The following CDH20 variants were observed in gnomAD, a reference collection of about 807,000 sequenced individuals.
The protein encoded by CDH20 is cadherin-20.
Under a neutral mutation model 74.2 loss-of-function variants are expected in CDH20, and 29 were observed. The ratio of observed to expected loss-of-function variants is 0.39; its 90% confidence interval spans 0.29 to 0.53. The LOEUF is 0.53. Among genes scored for constraint, CDH20 ranks in the 20% least tolerant of loss-of-function variants. The probability of loss-of-function intolerance (pLI) is 0.69; values close to 1 mark genes in which losing one functional copy is unlikely to be tolerated. For missense variants in CDH20, 988 were observed against 1,048.3 expected (o/e 0.94, Z 0.79); for synonymous variants, 469 against 405.4 (o/e 1.16, Z -1.88).
chr18:61,425,074 T>A (rs373781083), intron 1 of CDH20, among the ~76,000 whole-genome samples: 19 of 109,876 alleles, frequency 1.7e-4, no homozygotes, highest in East Asian at 1.4e-3. Flanking sequence ...TCTCTCTCTC[T>A]CTCACTCACT....
intron 1 of CDH20, among the ~76,000 whole-genome samples, chr18:61,472,573 T>A (rs576399854): frequency 6.6e-6 from 1 of 152,324 alleles, no homozygotes; most frequent in Non-Finnish European, 1.5e-5. Context: ...GTTATAAAAC[T>A]TTTCATCTTG....
chr18:61,494,667 G>A (rs1911070273), intron 2 of CDH20, among the ~76,000 whole-genome samples: 1 of 152,156 alleles, frequency 6.6e-6, no homozygotes, highest in Admixed American at 6.5e-5. Context: ...TCAGAAAGGA[G>A]TATGGCAGCA....
chr18:61,384,432 G>A (rs189003953), intron 1 of CDH20, among the ~76,000 whole-genome samples: 12 of 152,232 alleles, frequency 7.9e-5, no homozygotes, highest in Middle Eastern at 3.4e-3. Flanking sequence ...GCCCTATGCC[G>A]AGAAAACTTA....
intron 1 of CDH20, among the ~76,000 whole-genome samples, chr18:61,471,754 C>A (rs536176808): frequency 8.1e-4 from 123 of 152,266 alleles, no homozygotes; most frequent in African/African-American, 2.8e-3. Context: ...TAGCCTCAGG[C>A]AAACTCAACA....
intron 1 of CDH20, among the ~76,000 whole-genome samples, chr18:61,366,688 T>G (rs1910873207): frequency 6.6e-6 from 1 of 152,190 alleles, no homozygotes; most frequent in Non-Finnish European, 1.5e-5. Flanking sequence ...TCTAGAAAAA[T>G]TTGAATGCTA....
rs754668719 is a variant in CDH20, at chr18:61,554,449, C to G, written c.2160C>G (p.Ser720Arg). Residue 720 changes from serine to arginine, a missense_variant, in exon 12 of 12, where the codon AGC (serine) becomes AGG (arginine). By Grantham distance (110) the Ser-to-Arg change is moderately radical (BLOSUM62 -1). This residue lies in a region of CDH20 where 375 missense variants were observed against 293.1 expected (regional missense o/e 1.28). Transcript: ENST00000262717. ...TGCCTCAGACGTGCGCAGTGAACAG[C>G]ACTGTCCACAGCTACGTGCTGGCCA... ...RYVPQTCAVN[S>R]TVHSYVLAKL... 1.9e-6 allele frequency: 3 copies of G among 1,613,368 alleles called. No homozygotes were observed. In the South Asian group the frequency reaches 3.3e-5, roughly 18 times the overall value.
chr18:61,524,061 A>G (rs1197066851), intron 6 of CDH20, among the ~76,000 whole-genome samples: 2 of 152,050 alleles, frequency 1.3e-5, no homozygotes, highest in Non-Finnish European at 2.9e-5. Context: ...AAAGTATAAT[A>G]ATAATAATAA....
intron 1 of CDH20, among the ~76,000 whole-genome samples, chr18:61,349,831 G>C (rs555848060): frequency 4.9e-4 from 75 of 151,844 alleles, no homozygotes; most frequent in African/African-American, 1.7e-3. Flanking sequence ...CACGCTGCAG[G>C]TTGTCACATG....
chr18:61,451,223 A>C (rs1057384952), intron 1 of CDH20, among the ~76,000 whole-genome samples: 11 of 152,006 alleles, frequency 7.2e-5, no homozygotes, highest in Admixed American at 7.2e-4. Context: ...GTTGGAGTAA[A>C]AGCACAACAG....
chr18:61,476,052 G>A (rs1910369708), intron 1 of CDH20, among the ~76,000 whole-genome samples: 1 of 152,146 alleles, frequency 6.6e-6, no homozygotes, highest in South Asian at 2.1e-4. Flanking sequence ...AGGTGTGGCA[G>A]AGTGCATTTT....
intron 1 of CDH20, among the ~76,000 whole-genome samples, chr18:61,358,281 A>G (rs1424683053): frequency 6.6e-6 from 1 of 150,718 alleles, no homozygotes; most frequent in Non-Finnish European, 1.5e-5. Context: ...CACCCAGCTA[A>G]TTTTTGTATT....
chr18:61,484,857 C>T (rs1910704756), intron 1 of CDH20, among the ~76,000 whole-genome samples: 1 of 152,100 alleles, frequency 6.6e-6, no homozygotes, highest in Non-Finnish European at 1.5e-5. Context: ...CTTCCCCTTA[C>T]CCACATCCAC....
intron 1 of CDH20, among the ~76,000 whole-genome samples, chr18:61,386,863 G>C (rs1346979139): frequency 3.9e-5 from 6 of 152,140 alleles, no homozygotes; most frequent in Non-Finnish European, 1.5e-5. Context: ...TATATTAAGA[G>C]AAAAAGATTG....
chr18:61,351,591 G>A (rs190073973), intron 1 of CDH20, among the ~76,000 whole-genome samples: 182 of 151,972 alleles, frequency 1.2e-3, no homozygotes, highest in Admixed American at 2.8e-3. Context: ...AACTTGTTTA[G>A]TTTGCCTCTA....
At chr18:61,347,319 T>TATACAC (rs869054502) in intron 1 of CDH20, among the ~76,000 whole-genome samples, 12 of 77,416 alleles carry the variant, frequency 1.6e-4, no homozygotes, top group East Asian at 1.4e-3. Context: ...TATATATATA[T>TATACAC]ACACACACAC....
intron 1 of CDH20, among the ~76,000 whole-genome samples, chr18:61,400,990 C>G (rs1472834698): frequency 6.6e-6 from 1 of 152,166 alleles, no homozygotes; most frequent in Admixed American, 6.5e-5. Context: ...TTGTCCTCCT[C>G]GGGCTGAGAA....
intron 1 of CDH20, among the ~76,000 whole-genome samples, chr18:61,471,172 C>T (rs978087492): frequency 3.9e-5 from 6 of 152,058 alleles, no homozygotes; most frequent in African/African-American, 1.4e-4. Flanking sequence ...AATACTTGTC[C>T]TTATTCTCTG....
intron 1 of CDH20, among the ~76,000 whole-genome samples, chr18:61,378,368 G>T (rs745715526): frequency 6.6e-6 from 1 of 152,154 alleles, no homozygotes; most frequent in Non-Finnish European, 1.5e-5. Flanking sequence ...TCCAAGTTCA[G>T]GTCCAAAGGT....
intron 1 of CDH20, among the ~76,000 whole-genome samples, chr18:61,485,047 C>A (rs534459000): frequency 1.3e-5 from 2 of 152,086 alleles, no homozygotes; most frequent in African/African-American, 2.4e-5. Context: ...CTCAGGAGTG[C>A]CACCATTTTT....
Sources: gnomAD v4.1 joint callset for allele counts (sites outside exome capture counted in the v4.1 genomes callset) on GRCh38, gnomAD v4.1.1 for gene constraint, gnomAD v4.1.1 regional missense constraint, MANE v1.5 for transcripts, NCBI Gene and HGNC (gene_info 2026-07-23, HGNC 2026-07-21) for gene names.